Variants in PLD5 observed in about 807,000 individuals in gnomAD.
PLD5 encodes the protein inactive phospholipase D5.
A neutral mutation model predicts 61.1 loss-of-function variants in PLD5; 36 were observed. The observed-to-expected ratio is 0.59, with a 90% CI of 0.45 to 0.78. The LOEUF (loss-of-function observed/expected upper bound fraction) is 0.78. Ranked by LOEUF, PLD5 falls within the 30% of genes least tolerant of loss-of-function variation. The pLI, the probability that PLD5 is intolerant of heterozygous loss-of-function variation, is 0.00. For synonymous variants in PLD5, 243 were observed against 242.8 expected, an observed-to-expected ratio of 1.00 and a Z score of -0.01; for missense variants, 515 against 644.4, an observed-to-expected ratio of 0.80 and a Z score of 2.17.
At chr1:242,154,828 AG>A (rs1433490425) in intron 5 of PLD5, among the ~76,000 whole-genome samples, 3 of 152,032 alleles carry the variant, frequency 2.0e-5, no homozygotes, top group African/African-American at 7.2e-5. Context: ...TGTCTCTGTC[AG>A]GTTTTGGTAT....
rs112371695 is a variant in PLD5 at position 242,270,789 on chromosome 1, C to T, written c.496-5341G>A. Among the ~76,000 whole-genome samples the T allele has an allele frequency of 9.0e-3, 1,372 of 152,258 alleles. 16 individuals are homozygous for T. The highest frequency in any genetic ancestry group is 0.011 in the African/African-American group (437 of 41,560). ...AAGGCTGGGTATATGAGGGGAGAGG[C>T]CTCCTTTGGTTGCCCCAGTGGGGAA... is the stretch of plus-strand genomic sequence containing the variant. On this transcript the variant is annotated intron_variant, in intron 3 of 9. Coordinates refer to ENST00000536534, the MANE Select transcript of PLD5 (RefSeq NM_001372062.1).
chr1:242,211,213 GA>G (rs769646134), intron 5 of PLD5, among the ~76,000 whole-genome samples: 2 of 152,140 alleles, frequency 1.3e-5, no homozygotes, highest in Non-Finnish European at 2.9e-5. Context: ...AGGCTCGTGG[GA>G]AAAATTTTAA....
rs11361107 is a variant in PLD5, at chr1:242,404,875, A to ATTTTTTTTTTTTTTTTTTTTTTTTTTT, written c.190-56634_190-56633insAAAAAAAAAAAAAAAAAAAAAAAAAAA. ...CATGCCTCTTATCTGTTCCCTGCTA[A>ATTTTTTTTTTTTTTTTTTTTTTTTTTT]TTTTTTTTTTTTTTTTTTTTTTGAG... On this transcript the variant is annotated intron_variant, in intron 1 of 9. Coordinates refer to ENST00000536534, the MANE Select transcript of PLD5 (RefSeq NM_001372062.1). 2.8e-4 allele frequency among the ~76,000 whole-genome samples: 21 copies of ATTTTTTTTTTTTTTTTTTTTTTTTTTT among 75,398 alleles called. 6 individuals carry two copies. Among genetic ancestry groups the ATTTTTTTTTTTTTTTTTTTTTTTTTTT allele is most frequent in the African/African-American group, 4.3e-4 (7 of 16,362 alleles). The allele number at this position is 75,398 out of a possible 152,430, so 49.5% of individuals were successfully genotyped here.
At chr1:242,185,325 A>T (rs527719063) in intron 5 of PLD5, among the ~76,000 whole-genome samples, 1 of 152,320 alleles carries the variant, frequency 6.6e-6, no homozygotes, top group East Asian at 1.9e-4. Context: ...AGTAAGGGAG[A>T]AAGAGTGGGT....
chr1:242,153,169 C>T lies in PLD5; in HGVS notation c.736-28504G>A, dbSNP rs892239938. On this transcript the variant is annotated intron_variant, in intron 5 of 9. Coordinates refer to ENST00000536534, the MANE Select transcript of PLD5 (RefSeq NM_001372062.1). ...ATAGATGTATTCTTTTGAGAAGTGT[C>T]TGTTCATATCCTTTGTCTACTTTTT... 2.0e-5 allele frequency among the ~76,000 whole-genome samples: 3 copies of T among 152,166 alleles called. No individual in the cohort carries two copies. In the South Asian group the frequency reaches 6.2e-4, roughly 32 times the overall value.
At chr1:242,401,422 C>G (rs1367565323) in intron 1 of PLD5, among the ~76,000 whole-genome samples, 2 of 152,124 alleles carry the variant, frequency 1.3e-5, no homozygotes, top group Admixed American at 1.3e-4. Flanking sequence ...GTGGACCCCT[C>G]CCCTTCCTTC....
intron 5 of PLD5, among the ~76,000 whole-genome samples, chr1:242,131,565 C>T (rs1398175276): frequency 6.6e-6 from 1 of 152,114 alleles, no homozygotes; most frequent in Admixed American, 6.5e-5. Flanking sequence ...ACCCATTTCA[C>T]AGTAAGAAAA....
At chr1:242,163,695 G>A (rs1015869459) in intron 5 of PLD5, among the ~76,000 whole-genome samples, 15 of 152,236 alleles carry the variant, frequency 9.9e-5, no homozygotes, top group Admixed American at 8.5e-4. Flanking sequence ...TTTGGGCTGG[G>A]TTGACTAGGA....
chr1:242,255,831 A>G (rs1429183944), intron 4 of PLD5, among the ~76,000 whole-genome samples: 4 of 152,208 alleles, frequency 2.6e-5, no homozygotes, highest in African/African-American at 9.7e-5. Flanking sequence ...AGAACACCAG[A>G]ACTCAACGAT....
intron 2 of PLD5, among the ~76,000 whole-genome samples, chr1:242,314,344 C>T (rs1386086104): frequency 6.6e-6 from 1 of 152,218 alleles, no homozygotes; most frequent in African/African-American, 2.4e-5. Flanking sequence ...CATCTATCCT[C>T]ACTGTTGACA....
chr1:242,449,540 CTG>C, intron 1 of PLD5: 1 of 1,458,814 alleles, frequency 6.9e-7, no homozygotes, highest in Non-Finnish European at 9.0e-7. Context: ...ATCAGCCAAA[CTG>C]AGCACGAAGA....
intron 8 of PLD5, among the ~76,000 whole-genome samples, 175 bp from the exon 9 acceptor site, chr1:242,100,957 G>A (rs1348299803): frequency 6.6e-6 from 1 of 152,086 alleles, no homozygotes. Context: ...AATCTAAATA[G>A]GCAACAAGAG....
At chr1:242,327,087 G>T (rs1055686645) in intron 2 of PLD5, among the ~76,000 whole-genome samples, 3 of 151,518 alleles carry the variant, frequency 2.0e-5, no homozygotes, top group African/African-American at 4.9e-5. Flanking sequence ...GGATGGTCTC[G>T]ATCTCCTGAC....
chr1:242,314,869 T>C (rs1476557187), intron 2 of PLD5, among the ~76,000 whole-genome samples: 1 of 152,102 alleles, frequency 6.6e-6, no homozygotes, highest in Non-Finnish European at 1.5e-5. Context: ...CCCTATTGTA[T>C]GCCAACTGAT....
chr1:242,430,815 C>T (rs1378537926), intron 1 of PLD5, among the ~76,000 whole-genome samples: 1 of 152,162 alleles, frequency 6.6e-6, no homozygotes, highest in African/African-American at 2.4e-5. Flanking sequence ...GTAGGCTCCT[C>T]ATCATTGAGC....
At chr1:242,302,949 G>A (rs1442793100) in intron 2 of PLD5, among the ~76,000 whole-genome samples, 2 of 152,114 alleles carry the variant, frequency 1.3e-5, no homozygotes, top group African/African-American at 4.8e-5. Context: ...GTAGAGTCTG[G>A]ACATGGGTTG....
chr1:242,207,944 ATATATT>A (rs1216515748), intron 5 of PLD5, among the ~76,000 whole-genome samples: 2 of 97,702 alleles, frequency 2.0e-5, no homozygotes, highest in Non-Finnish European at 3.8e-5. Context: ...ATATATTTAT[ATATATT>A]TATTTATATA....
At chr1:242,420,616 A>G (rs1039167203) in intron 1 of PLD5, among the ~76,000 whole-genome samples, 1 of 152,122 alleles carries the variant, frequency 6.6e-6, no homozygotes, top group Non-Finnish European at 1.5e-5. Flanking sequence ...GCAAGGATAT[A>G]TACACTTGCA....
intron 1 of PLD5, among the ~76,000 whole-genome samples, chr1:242,514,392 G>T (rs11586939): frequency 0.012 from 1,791 of 152,182 alleles, 12 homozygotes; most frequent in Middle Eastern, 0.027. Flanking sequence ...ATCCTTCTCT[G>T]GACAAGGCAT....
Sources: gnomAD v4.1 joint callset for allele counts (sites outside exome capture counted in the v4.1 genomes callset) on GRCh38, gnomAD v4.1.1 for gene constraint, MANE v1.5 for transcripts, NCBI Gene and HGNC (gene_info 2026-07-23, HGNC 2026-07-21) for gene names.